NHEJ1: variants seen among roughly 807,000 people sequenced by gnomAD.
The protein encoded by NHEJ1 is non-homologous end-joining factor 1.
NHEJ1 carries 22 observed loss-of-function variants against 39.4 expected under a neutral mutation model. That is an observed-to-expected ratio of 0.56 (90% confidence interval 0.40 to 0.80). The LOEUF (loss-of-function observed/expected upper bound fraction) is 0.80. Ranked by LOEUF, NHEJ1 falls within the 30% of genes least tolerant of loss-of-function variation. The pLI, the probability that NHEJ1 is intolerant of heterozygous loss-of-function variation, is 0.00. For synonymous variants in NHEJ1, 154 were observed against 135.6 expected, an observed-to-expected ratio of 1.14 and a Z score of -0.94; for missense variants, 329 against 357.1, an observed-to-expected ratio of 0.92 and a Z score of 0.63.
At chr2:219,144,509 G>A (rs1288906206) in intron 5 of NHEJ1, among the ~76,000 whole-genome samples, 1 of 152,016 alleles carries the variant, frequency 6.6e-6, no homozygotes, top group Non-Finnish European at 1.5e-5. Context: ...TCCCAAACAA[G>A]GTGAAGCTGA....
intron 5 of NHEJ1, among the ~76,000 whole-genome samples, chr2:219,130,483 C>T (rs1949567790): frequency 3.3e-5 from 4 of 121,410 alleles, no homozygotes; most frequent in South Asian, 3.1e-4. Flanking sequence ...TTTCCAAAAA[C>T]GGCTGTAAGA....
Position 219,142,938 on chromosome 2 carries a change from G to A in NHEJ1, c.588+3742C>T, listed in dbSNP as rs1276799593. On this transcript the variant is annotated intron_variant, in intron 5 of 7. Transcript: ENST00000356853. The stretch of plus-strand genomic sequence containing the variant: ...GAAATCAGAGGCTCTTAGACAGAGT[G>A]GAAAAACAAAAGGACCAAATAGGGA... 4.6e-5 allele frequency among the ~76,000 whole-genome samples: 7 copies of A among 152,248 alleles called. No homozygotes were observed. The East Asian group carries it at 1.2e-3, about 25-fold the overall frequency.
chr2:219,070,976 G>A lies in NHEJ1; in HGVS notation c.*5405C>T, dbSNP rs1002174420. 3.3e-5 allele frequency among the ~76,000 whole-genome samples: 5 copies of A among 152,158 alleles called. No individual in the cohort carries two copies. The highest frequency in any genetic ancestry group is 1.2e-4 in the African/African-American group (5 of 41,448). On this transcript the variant is annotated 3_prime_UTR_variant, in exon 8 of 8. Transcript: ENST00000356853. ...TAGTGCCTCCCCATTCCTCTCACGT[G>A]ACAGGACGCCCTGAAATCCCCGCTA...
At chr2:219,140,256 T>G (rs539357672) in intron 5 of NHEJ1, among the ~76,000 whole-genome samples, 55 of 152,332 alleles carry the variant, frequency 3.6e-4, no homozygotes, top group Non-Finnish European at 5.7e-4. Context: ...GAGAGTTCTA[T>G]AAGATCATAT....
intron 5 of NHEJ1, among the ~76,000 whole-genome samples, chr2:219,118,162 G>C (rs1559195224): frequency 6.6e-6 from 1 of 152,134 alleles, no homozygotes; most frequent in Admixed American, 6.5e-5. Flanking sequence ...ACATAACCTA[G>C]CTCTACTCCT....
chr2:219,137,346 A>G (rs1312644598), intron 5 of NHEJ1, among the ~76,000 whole-genome samples: 3 of 152,052 alleles, frequency 2.0e-5, no homozygotes, highest in Admixed American at 2.0e-4. Context: ...TTCAAATCAC[A>G]TAAGCATATG....
At chr2:219,157,788 T>C in intron 2 of NHEJ1, 104 bp from the exon 3 acceptor site, 2 of 889,568 alleles carry the variant, frequency 2.2e-6, no homozygotes, top group African/African-American at 1.7e-5. Flanking sequence ...GCAATGGACA[T>C]GAGAGGAAGG....
chr2:219,129,877 T>C (rs541986421), intron 5 of NHEJ1, among the ~76,000 whole-genome samples: 2 of 152,298 alleles, frequency 1.3e-5, no homozygotes, highest in South Asian at 4.1e-4. Context: ...ATTTTTTTTA[T>C]AGTCTGTTTA....
Position 219,094,615 on chromosome 2 carries a change from C to A in NHEJ1, c.589-16409G>T, listed in dbSNP as rs1949189788. ...ATTTCTAGGTGTAGTACATCTCACA[C>A]TCTTTTGGATCTAGGTTTCACTAAG... is the stretch of plus-strand genomic sequence containing the variant. On this transcript the variant is annotated intron_variant, in intron 5 of 7. Coordinates refer to ENST00000356853, the MANE Select transcript of NHEJ1 (RefSeq NM_024782.3). Among the ~76,000 whole-genome samples, 6 of 152,338 alleles carry A rather than the reference C, an allele frequency of 3.9e-5. 1 individual carries two copies. In the South Asian group the frequency reaches 1.2e-3, roughly 32 times the overall value.
chr2:219,112,865 T>C (rs1949378616), intron 5 of NHEJ1, among the ~76,000 whole-genome samples: 1 of 152,106 alleles, frequency 6.6e-6, no homozygotes, highest in Non-Finnish European at 1.5e-5. Context: ...CTCCATATGA[T>C]AGGACATGAA....
intron 5 of NHEJ1, among the ~76,000 whole-genome samples, chr2:219,138,625 T>C (rs1324573628): frequency 6.6e-6 from 1 of 152,228 alleles, no homozygotes; most frequent in Non-Finnish European, 1.5e-5. Flanking sequence ...CTTGTTGAGC[T>C]TACATTCTAA....
chr2:219,147,874 T>C (rs1949757532), intron 3 of NHEJ1, 79 bp from the exon 4 acceptor site: 1 of 1,417,142 alleles, frequency 7.1e-7, no homozygotes, highest in Non-Finnish European at 9.8e-7. Flanking sequence ...CCAGAAAAAA[T>C]ACCGAAAAAT....
intron 5 of NHEJ1, among the ~76,000 whole-genome samples, chr2:219,101,747 C>A (rs1213929882): frequency 1.5e-5 from 2 of 131,664 alleles, no homozygotes; most frequent in Non-Finnish European, 3.2e-5. Context: ...GAGACAGAGT[C>A]TTGCTCTGTC....
intron 1 of NHEJ1, among the ~76,000 whole-genome samples, chr2:219,159,517 A>G (rs1212063844): frequency 2.2e-5 from 1 of 45,860 alleles, no homozygotes; most frequent in African/African-American, 7.4e-5. Context: ...ATAACTTTAT[A>G]TATATATGCA....
intron 5 of NHEJ1, among the ~76,000 whole-genome samples, chr2:219,081,941 A>T (rs535879472): frequency 6.6e-6 from 1 of 152,346 alleles, no homozygotes; most frequent in African/African-American, 2.4e-5. Flanking sequence ...CACATTCACT[A>T]GTTTGCAAAG....
intron 3 of NHEJ1, among the ~76,000 whole-genome samples, chr2:219,154,976 T>C (rs1949838738): frequency 6.8e-6 from 1 of 147,624 alleles, no homozygotes; most frequent in African/African-American, 2.5e-5. Context: ...TTATATTACA[T>C]ATATTTATAT....
chr2:219,080,210 C>T (rs1016015800), intron 5 of NHEJ1, among the ~76,000 whole-genome samples: 5 of 152,158 alleles, frequency 3.3e-5, no homozygotes, highest in African/African-American at 1.2e-4. Context: ...GTCCTAGGAA[C>T]AGCATATTGC....
chr2:219,159,406 G>A (rs929809612), intron 1 of NHEJ1: 1 of 151,258 alleles, frequency 6.6e-6, no homozygotes, highest in Admixed American at 6.6e-5. Context: ...AGAAGTACCA[G>A]GAAGGAAAAA....
At chr2:219,115,255 AAAG>A (rs1194897327) in intron 5 of NHEJ1, among the ~76,000 whole-genome samples, 3 of 152,220 alleles carry the variant, frequency 2.0e-5, no homozygotes, top group Non-Finnish European at 2.9e-5. Context: ...AAAAAGCAAA[AAAG>A]AAGAAGAAAA....
Sources: gnomAD v4.1 joint callset for allele counts (sites outside exome capture counted in the v4.1 genomes callset) on GRCh38, gnomAD v4.1.1 for gene constraint, MANE v1.5 for transcripts, NCBI Gene and HGNC (gene_info 2026-07-23, HGNC 2026-07-21) for gene names.